Variants in PCDHA2 observed in about 807,000 individuals in gnomAD.
The protein encoded by PCDHA2 is protocadherin alpha 2, also known as protocadherin alpha-2.
PCDHA2 carries 58 observed loss-of-function variants against 66.0 expected under a neutral mutation model. The observed-to-expected ratio is 0.88, with a 90% CI of 0.71 to 1.09. The LOEUF (loss-of-function observed/expected upper bound fraction) is 1.09, where lower values mean the gene tolerates loss of function less well. Among genes scored for constraint, PCDHA2 ranks in the 50% least tolerant of loss-of-function variants. The pLI, the probability that PCDHA2 is intolerant of heterozygous loss-of-function variation, is 0.00. For missense variants in PCDHA2, 1,267 were observed against 1,242.3 expected, an observed-to-expected ratio of 1.02 and a Z score of -0.30; for synonymous variants, 634 against 554.0, an observed-to-expected ratio of 1.14 and a Z score of -2.03.
intron 1 of PCDHA2, chr5:140,830,448 C>A: frequency 1.2e-6 from 2 of 1,600,594 alleles, no homozygotes; most frequent in Non-Finnish European, 1.7e-6. Flanking sequence ...ATGGGTAAGG[C>A]GGAGAATCAG....
chr5:140,813,382 T>C (rs1218287090), intron 1 of PCDHA2: 1 of 152,178 alleles, frequency 6.6e-6, no homozygotes, highest in African/African-American at 2.4e-5. Context: ...GGTTACATGA[T>C]CTATTGCTTC....
chr5:141,006,765 G>T (rs1299930915), intron 3 of PCDHA2, among the ~76,000 whole-genome samples: 3 of 152,174 alleles, frequency 2.0e-5, no homozygotes, highest in Non-Finnish European at 4.4e-5. Context: ...ATGAAGAATA[G>T]AATAGAGAAA....
intron 1 of PCDHA2, chr5:140,860,153 GTATATATATATGTA>G (rs1410832204): frequency 1.4e-5 from 2 of 147,972 alleles, no homozygotes; most frequent in Admixed American, 1.4e-4. Flanking sequence ...GTATATATGT[GTATATATATATGTA>G]TATATATATG....
At chr5:140,875,754 G>A (rs369339386) in intron 1 of PCDHA2, 2 of 1,614,254 alleles carry the variant, frequency 1.2e-6, no homozygotes, top group African/African-American at 2.7e-5. Flanking sequence ...ACCGCGAGAA[G>A]CTGTGCGGGC....
intron 3 of PCDHA2, among the ~76,000 whole-genome samples, chr5:141,005,544 A>G (rs1197838847): frequency 6.6e-6 from 1 of 151,492 alleles, no homozygotes; most frequent in Non-Finnish European, 1.5e-5. Flanking sequence ...TCTACTAAAA[A>G]TACAAAAATT....
intron 3 of PCDHA2, among the ~76,000 whole-genome samples, chr5:140,986,226 C>T (rs2097191326): frequency 6.6e-6 from 1 of 152,168 alleles, no homozygotes; most frequent in African/African-American, 2.4e-5. Context: ...TCTCTAGCCT[C>T]CCCTCTGTGT....
intron 1 of PCDHA2, among the ~76,000 whole-genome samples, chr5:140,878,533 CA>C (rs2057632489): frequency 6.6e-6 from 1 of 152,156 alleles, no homozygotes; most frequent in Admixed American, 6.5e-5. Context: ...AACTGTGGCT[CA>C]AACCAGTTTC....
chr5:140,822,057 G>A (rs1554128419), intron 1 of PCDHA2: 1 of 1,614,224 alleles, frequency 6.2e-7, no homozygotes, highest in South Asian at 1.1e-5. Flanking sequence ...GGGAGGAGCT[G>A]TGCCGGCGGA....
At chr5:140,860,434 C>A (rs1562553401) in intron 1 of PCDHA2, 1 of 152,038 alleles carries the variant, frequency 6.6e-6, no homozygotes, top group Non-Finnish European at 1.5e-5. Context: ...CAAATATGAT[C>A]TTTTTCATAT....
At chr5:140,817,480 C>T (rs1051531219) in intron 1 of PCDHA2, 1 of 152,168 alleles carries the variant, frequency 6.6e-6, no homozygotes, top group African/African-American at 2.4e-5. Flanking sequence ...CCTCTGTTAT[C>T]TTTTTAAGCT....
intron 1 of PCDHA2, chr5:140,836,859 A>G: frequency 1.3e-6 from 1 of 776,996 alleles, no homozygotes. Flanking sequence ...ATTATTTTTT[A>G]ATGTTATGCT....
At chr5:140,834,869 C>T (rs782789738) in intron 1 of PCDHA2, 1 of 1,609,230 alleles carries the variant, frequency 6.2e-7, no homozygotes, top group Non-Finnish European at 8.5e-7. Flanking sequence ...ATGCAGATAT[C>T]GGGGAGAACG....
intron 1 of PCDHA2, among the ~76,000 whole-genome samples, chr5:140,903,237 T>G (rs1191816509): frequency 1.3e-5 from 2 of 152,194 alleles, no homozygotes; most frequent in Non-Finnish European, 2.9e-5. Flanking sequence ...ACTTTTTGAT[T>G]TTTAAATTAT....
chr5:140,851,376 G>A, intron 1 of PCDHA2: 1 of 976,392 alleles, frequency 1.0e-6, no homozygotes, highest in Non-Finnish European at 1.2e-6. Flanking sequence ...TGATTGTTCA[G>A]CAACCTTCAG....
intron 1 of PCDHA2, chr5:140,843,092 G>A (rs1778555450): frequency 6.3e-7 from 1 of 1,595,654 alleles, no homozygotes. Flanking sequence ...GGGCCACGTG[G>A]TAGCGAAGGT....
At position 141,009,692 on chromosome 5, in the gene PCDHA2, A is replaced by G. The variant is rs2098413739; in HGVS notation, c.2602A>G (p.Lys868Glu). The G allele has an allele frequency of 6.2e-7, 1 of 1,613,856 alleles. No homozygotes were observed. Among genetic ancestry groups the G allele is most frequent in the African/African-American group, 1.3e-5 (1 of 74,858 alleles). The stretch of plus-strand genomic sequence containing the variant: ...TGTCAACAGCAACAGCTGGACCTTT[A>G]AATACGGACCAGGCAACCCCAAACA... The part of the protein sequence containing the change: ...AGVNSNSWTF[K>E]YGPGNPKQSG... Residue 868 changes from lysine to glutamate, a missense_variant, in exon 4 of 4, where the codon AAA (lysine) becomes GAA (glutamate). Physicochemically the swap from Lys to Glu is moderately conservative, Grantham distance 56. Transcript: ENST00000526136.
intron 1 of PCDHA2, among the ~76,000 whole-genome samples, chr5:140,909,201 C>T (rs1379290108): frequency 2.0e-5 from 3 of 152,136 alleles, no homozygotes; most frequent in South Asian, 2.1e-4. Context: ...GACACAAAGC[C>T]GGAGAGTTGA....
intron 1 of PCDHA2, chr5:140,868,176 CAT>C (rs1246417615): frequency 2.0e-5 from 3 of 152,006 alleles, no homozygotes; most frequent in African/African-American, 7.2e-5. Flanking sequence ...TTTGATATCT[CAT>C]ATTATGCTAC....
chr5:140,910,191 CTT>C (rs1384563815), intron 1 of PCDHA2, among the ~76,000 whole-genome samples: 2 of 152,152 alleles, frequency 1.3e-5, no homozygotes, highest in Non-Finnish European at 2.9e-5. Context: ...TCAAATTAGT[CTT>C]TTGTCCACTT....
Sources: allele counts gnomAD v4.1 joint callset (sites outside exome capture counted in the v4.1 genomes callset), GRCh38; gene constraint gnomAD v4.1.1; transcripts MANE v1.5; gene names NCBI Gene and HGNC (gene_info 2026-07-23, HGNC 2026-07-21).